The following PCCA variants were observed in gnomAD, a reference collection of about 807,000 sequenced individuals.
PCCA encodes propionyl-CoA carboxylase subunit alpha, also known as propionyl-CoA carboxylase alpha chain, mitochondrial.
Under a neutral mutation model 101.3 loss-of-function variants are expected in PCCA, and 74 were observed. The ratio of observed to expected loss-of-function variants is 0.73; its 90% confidence interval spans 0.61 to 0.89. The LOEUF (loss-of-function observed/expected upper bound fraction) is 0.89. Among genes scored for constraint, PCCA ranks in the 40% least tolerant of loss-of-function variants. The pLI is 0.00. For synonymous variants in PCCA, 294 were observed against 313.6 expected (o/e 0.94, Z 0.66); for missense variants, 891 against 907.0 (o/e 0.98, Z 0.23).
intron 10 of PCCA, among the ~76,000 whole-genome samples, chr13:100,263,858 GTA>G (rs1024259093): frequency 2.2e-5 from 3 of 136,422 alleles, no homozygotes; most frequent in African/African-American, 8.3e-5. Flanking sequence ...TATATATATG[GTA>G]TCTGTATATC....
chr13:100,495,234 C>T (rs1025063669), intron 21 of PCCA, among the ~76,000 whole-genome samples: 1 of 152,166 alleles, frequency 6.6e-6, no homozygotes, highest in African/African-American at 2.4e-5. Flanking sequence ...CACATTACCA[C>T]CACATACCTG....
intron 4 of PCCA, among the ~76,000 whole-genome samples, chr13:100,113,568 C>G (rs1347514947): frequency 6.8e-6 from 1 of 147,306 alleles, no homozygotes; most frequent in Non-Finnish European, 1.5e-5. Flanking sequence ...TGTCTTTACT[C>G]TTTGACTCTT....
At position 100,368,525 on chromosome 13, in the gene PCCA, A is replaced by G. The variant is rs750322137; in HGVS notation, c.1697A>G (p.His566Arg). The G allele has an allele frequency of 2.8e-5, 45 of 1,611,538 alleles. No individual in the cohort carries two copies. Among genetic ancestry groups the G allele is most frequent in the Non-Finnish European group, 3.6e-5 (43 of 1,178,432 alleles). ...IANWELSVKL[H>R]DKVHTVVASN... ...AACTGGGAGCTCTCAGTAAAATTGC[A>G]TGATAAAGTTCATACCGTAGTAGCA... Residue 566 changes from histidine to arginine, a missense_variant, in exon 19 of 24, where the codon CAT becomes CGT. Transcript: ENST00000376285.
chr13:100,320,085 G>A (rs978215588), intron 16 of PCCA, among the ~76,000 whole-genome samples: 8 of 152,144 alleles, frequency 5.3e-5, no homozygotes, highest in African/African-American at 1.7e-4. Context: ...TCTCTTTGAA[G>A]CAATTGTGAA....
intron 18 of PCCA, among the ~76,000 whole-genome samples, chr13:100,359,109 AAAG>A (rs1408749310): frequency 1.0e-4 from 15 of 148,652 alleles, no homozygotes; most frequent in Admixed American, 3.4e-4. Context: ...AAAAAAAAAA[AAAG>A]AAAAAGAAAA....
chr13:100,163,284 T>C (rs2054682176), intron 6 of PCCA, among the ~76,000 whole-genome samples: 1 of 152,216 alleles, frequency 6.6e-6, no homozygotes, highest in Non-Finnish European at 1.5e-5. Context: ...CTCTCCTTAC[T>C]GCCCTATGTA....
At chr13:100,249,233 T>G (rs1345944153) in intron 8 of PCCA, among the ~76,000 whole-genome samples, 9 of 152,240 alleles carry the variant, frequency 5.9e-5, no homozygotes, top group Non-Finnish European at 1.3e-4. Context: ...TTCTGCAATG[T>G]ATATTTAGGT....
intron 18 of PCCA, among the ~76,000 whole-genome samples, chr13:100,344,483 A>G (rs1311718846): frequency 6.6e-6 from 1 of 152,178 alleles, no homozygotes; most frequent in African/African-American, 2.4e-5. Context: ...CTTTGAGCCC[A>G]TTAGGAAATA....
chr13:100,249,457 C>A (rs192171537), intron 8 of PCCA, among the ~76,000 whole-genome samples: 31 of 152,266 alleles, frequency 2.0e-4, no homozygotes, highest in African/African-American at 7.5e-4. Flanking sequence ...TTAGACAATA[C>A]CATACTGTCT....
At chr13:100,213,006 G>A (rs2059313146) in intron 7 of PCCA, among the ~76,000 whole-genome samples, 1 of 152,104 alleles carries the variant, frequency 6.6e-6, no homozygotes, top group South Asian at 2.1e-4. Context: ...TTCTATGTCT[G>A]ACTTAGTTCA....
intron 19 of PCCA, among the ~76,000 whole-genome samples, chr13:100,377,962 C>T (rs1303562336): frequency 1.3e-5 from 2 of 152,128 alleles, no homozygotes; most frequent in Non-Finnish European, 2.9e-5. Flanking sequence ...TGTTTTCCTT[C>T]AGTGGCAACA....
intron 16 of PCCA, among the ~76,000 whole-genome samples, chr13:100,328,192 G>A (rs184061597): frequency 2.7e-4 from 41 of 151,946 alleles, no homozygotes; most frequent in Non-Finnish European, 4.1e-4. Flanking sequence ...ATGAAACCCC[G>A]TCTCTAGTAA....
intron 17 of PCCA, among the ~76,000 whole-genome samples, chr13:100,335,113 CAA>C (rs767962652): frequency 2.0e-5 from 3 of 152,160 alleles, no homozygotes; most frequent in Non-Finnish European, 4.4e-5. Context: ...GAATTTGACT[CAA>C]GAGTACTATA....
chr13:100,340,058 A>G (rs911823701), intron 17 of PCCA, 99 bp from the exon 18 acceptor site: 3 of 773,750 alleles, frequency 3.9e-6, no homozygotes, highest in East Asian at 2.6e-5. Flanking sequence ...TAGATGCCCT[A>G]TAAAATACTT....
chr13:100,279,648 GT>G (rs1281318539), intron 12 of PCCA, among the ~76,000 whole-genome samples: 1 of 151,946 alleles, frequency 6.6e-6, no homozygotes, highest in Non-Finnish European at 1.5e-5. Context: ...GCTAATTTTT[GT>G]TTTTTTAGTA....
intron 21 of PCCA, among the ~76,000 whole-genome samples, chr13:100,449,597 G>A (rs1007992091): frequency 7.2e-5 from 11 of 151,938 alleles, no homozygotes; most frequent in Non-Finnish European, 1.3e-4. Context: ...AGCGATTCTC[G>A]TGCCTCAGCC....
intron 6 of PCCA, among the ~76,000 whole-genome samples, chr13:100,170,152 T>C (rs1252869198): frequency 6.6e-6 from 1 of 152,230 alleles, no homozygotes; most frequent in Non-Finnish European, 1.5e-5. Flanking sequence ...TGTGCTTTCA[T>C]TGTGTTATGC....
intron 6 of PCCA, among the ~76,000 whole-genome samples, chr13:100,169,732 C>A (rs1476017694): frequency 6.8e-6 from 1 of 147,372 alleles, no homozygotes; most frequent in East Asian, 2.0e-4. Context: ...TGGAGTTTCG[C>A]TCTTGTTGCC....
chr13:100,286,224 T>G (rs2064633313), intron 12 of PCCA, among the ~76,000 whole-genome samples: 1 of 152,198 alleles, frequency 6.6e-6, no homozygotes, highest in Non-Finnish European at 1.5e-5. Flanking sequence ...ATTTTCTTTT[T>G]AATTGTCAGC....
Sources: allele counts gnomAD v4.1 joint callset (sites outside exome capture counted in the v4.1 genomes callset), GRCh38; gene constraint gnomAD v4.1.1; transcripts MANE v1.5; gene names NCBI Gene and HGNC (gene_info 2026-07-23, HGNC 2026-07-21).